SLIT3: variants seen among roughly 807,000 people sequenced by gnomAD.
The protein encoded by SLIT3 is slit guidance ligand 3.
SLIT3 carries 68 observed loss-of-function variants against 184.0 expected under a neutral mutation model. The ratio of observed to expected loss-of-function variants is 0.37; its 90% confidence interval spans 0.30 to 0.45. The LOEUF (loss-of-function observed/expected upper bound fraction) is 0.45, where lower values mean the gene tolerates loss of function less well. Among genes scored for constraint, SLIT3 ranks in the 20% least tolerant of loss-of-function variants. The pLI is 1.00. For missense variants in SLIT3, 1,707 were observed against 2,026.0 expected, an observed-to-expected ratio of 0.84 and a Z score of 3.02; for synonymous variants, 831 against 828.6, an observed-to-expected ratio of 1.00 and a Z score of -0.05.
At chr5:169,276,790 C>A (rs769297263) in intron 1 of SLIT3, among the ~76,000 whole-genome samples, 1 of 152,158 alleles carries the variant, frequency 6.6e-6, no homozygotes, top group Non-Finnish European at 1.5e-5. Flanking sequence ...CTGGGCTGTG[C>A]GCTACACATA....
chr5:169,011,858 C>T (rs182223072), intron 4 of SLIT3, among the ~76,000 whole-genome samples: 249 of 151,842 alleles, frequency 1.6e-3, no homozygotes, highest in Non-Finnish European at 3.0e-3. Flanking sequence ...CTGGGGAAGC[C>T]CCCTGTATAG....
At chr5:168,670,322 C>T (rs1251918072) in intron 34 of SLIT3, among the ~76,000 whole-genome samples, 2 of 152,150 alleles carry the variant, frequency 1.3e-5, no homozygotes, top group African/African-American at 4.8e-5. Flanking sequence ...AATTGCTTTA[C>T]CATCTTAAAT....
intron 4 of SLIT3, among the ~76,000 whole-genome samples, chr5:169,014,136 G>A (rs549515365): frequency 8.5e-6 from 1 of 117,506 alleles, no homozygotes; most frequent in African/African-American, 3.8e-5. Context: ...GGTTGGTTAT[G>A]TTTTCACTCT....
chr5:169,071,100 A>G (rs954957590), intron 4 of SLIT3, among the ~76,000 whole-genome samples: 7 of 152,194 alleles, frequency 4.6e-5, no homozygotes, highest in African/African-American at 1.7e-4. Flanking sequence ...CACAGGTAAC[A>G]TAATTAAGAG....
chr5:169,086,083 A>C (rs948966831), intron 4 of SLIT3, among the ~76,000 whole-genome samples: 1 of 152,160 alleles, frequency 6.6e-6, no homozygotes, highest in Non-Finnish European at 1.5e-5. Context: ...GCCTTTCCTC[A>C]CAGCCCCAAC....
chr5:168,691,997 T>C (rs1311027157), intron 29 of SLIT3, among the ~76,000 whole-genome samples: 1 of 152,170 alleles, frequency 6.6e-6, no homozygotes, highest in East Asian at 1.9e-4. Flanking sequence ...CTTTCTGACC[T>C]GAGGCAGCCT....
intron 6 of SLIT3, among the ~76,000 whole-genome samples, chr5:168,836,324 A>G (rs1234176717): frequency 2.6e-5 from 4 of 152,174 alleles, no homozygotes; most frequent in Non-Finnish European, 4.4e-5. Flanking sequence ...GAGGCAAGTT[A>G]TTCACTAAAC....
At chr5:168,778,858 G>T (rs1755862476) in intron 12 of SLIT3, among the ~76,000 whole-genome samples, 1 of 152,238 alleles carries the variant, frequency 6.6e-6, no homozygotes, top group South Asian at 2.1e-4. Flanking sequence ...GTTGGATCCA[G>T]TGAGTCAGGC....
intron 4 of SLIT3, among the ~76,000 whole-genome samples, chr5:169,078,832 C>A (rs1238778652): frequency 6.6e-6 from 1 of 152,282 alleles, no homozygotes; most frequent in South Asian, 2.1e-4. Flanking sequence ...GGAAAACAAA[C>A]CCAATTCCTG....
chr5:168,799,833 T>G (rs1231503886), intron 9 of SLIT3, among the ~76,000 whole-genome samples: 1 of 152,200 alleles, frequency 6.6e-6, no homozygotes, highest in African/African-American at 2.4e-5. Flanking sequence ...ATGTACTCAT[T>G]TTACAGATGA....
intron 3 of SLIT3, among the ~76,000 whole-genome samples, chr5:169,230,635 A>T (rs1021072731): frequency 2.6e-5 from 4 of 152,332 alleles, no homozygotes; most frequent in Admixed American, 2.0e-4. Context: ...TTAAAATTTC[A>T]TGAAAGTCAA....
At chr5:168,706,361 A>C (rs1762372007) in intron 26 of SLIT3, among the ~76,000 whole-genome samples, 1 of 152,224 alleles carries the variant, frequency 6.6e-6, no homozygotes, top group East Asian at 1.9e-4. Context: ...TAAATGACAA[A>C]GCTGGAATCC....
intron 3 of SLIT3, among the ~76,000 whole-genome samples, chr5:169,222,851 T>C (rs939728812): frequency 7.2e-5 from 11 of 152,196 alleles, no homozygotes; most frequent in African/African-American, 2.4e-4. Flanking sequence ...CCAGGAGCCA[T>C]GGTGAAATCT....
chr5:168,702,613 A>C (rs757112118), intron 26 of SLIT3, among the ~76,000 whole-genome samples: 2 of 152,148 alleles, frequency 1.3e-5, no homozygotes, highest in Non-Finnish European at 2.9e-5. Flanking sequence ...CCCTATGGGG[A>C]ATTAGTTAAT....
intron 4 of SLIT3, among the ~76,000 whole-genome samples, chr5:168,913,913 G>A (rs1458197947): frequency 2.6e-5 from 4 of 151,802 alleles, no homozygotes; most frequent in East Asian, 1.9e-4. Flanking sequence ...GTATATATAC[G>A]TATTATTTAA....
intron 4 of SLIT3, among the ~76,000 whole-genome samples, chr5:169,019,984 A>G (rs1756537159): frequency 6.6e-6 from 1 of 152,192 alleles, no homozygotes; most frequent in East Asian, 1.9e-4. Context: ...AGACTGACAA[A>G]TAAAGGCCAT....
chr5:169,170,792 C>A (rs969190498), intron 4 of SLIT3, among the ~76,000 whole-genome samples: 2 of 152,084 alleles, frequency 1.3e-5, no homozygotes, highest in Non-Finnish European at 2.9e-5. Context: ...TGTGGGACTG[C>A]CATTTTGTAA....
intron 24 of SLIT3, among the ~76,000 whole-genome samples, 159 bp downstream of exon 24, chr5:168,712,124 A>C (rs1762578182): frequency 6.6e-6 from 1 of 152,246 alleles, no homozygotes; most frequent in Admixed American, 6.5e-5. Flanking sequence ...CTGAGGTGGG[A>C]AACAAGACAA....
chr5:168,867,085 G>A (rs1241439232), intron 5 of SLIT3, among the ~76,000 whole-genome samples: 1 of 152,166 alleles, frequency 6.6e-6, no homozygotes, highest in African/African-American at 2.4e-5. Context: ...CCTGGGCCTT[G>A]ACCAGAAATC....
Sources: gnomAD v4.1 joint callset for allele counts (sites outside exome capture counted in the v4.1 genomes callset) on GRCh38, gnomAD v4.1.1 for gene constraint, MANE v1.5 for transcripts, NCBI Gene and HGNC (gene_info 2026-07-23, HGNC 2026-07-21) for gene names.